The following TCF4 variants were observed in gnomAD, a reference collection of about 807,000 sequenced individuals.
The protein encoded by TCF4 is SL3-3 enhancer factor 2.
TCF4 carries 3 observed loss-of-function variants against 82.1 expected under a neutral mutation model. The observed-to-expected ratio is 0.04, with a 90% CI of 0.02 to 0.09. The LOEUF (loss-of-function observed/expected upper bound fraction) is 0.09, where lower values mean the gene tolerates loss of function less well. TCF4 is among the 10% of genes least tolerant of loss of function. TCF4 has a pLI of 1.00. For missense variants in TCF4, 518 were observed against 852.7 expected, an observed-to-expected ratio of 0.61 and a Z score of 4.89; for synonymous variants, 276 against 309.6, an observed-to-expected ratio of 0.89 and a Z score of 1.14.
At chr18:55,574,516 G>A (rs961609812) in intron 3 of TCF4, among the ~76,000 whole-genome samples, 1 of 152,032 alleles carries the variant, frequency 6.6e-6, no homozygotes, top group Non-Finnish European at 1.5e-5. Context: ...GTAGAAACGG[G>A]ATTTCTACAA....
chr18:55,536,545 T>C (rs968540181), intron 3 of TCF4, among the ~76,000 whole-genome samples: 1 of 152,228 alleles, frequency 6.6e-6, no homozygotes, highest in Non-Finnish European at 1.5e-5. Context: ...CAAAGAGTTA[T>C]TCAGAAAAAC....
At chr18:55,263,831 T>C (rs763859348) in intron 11 of TCF4, among the ~76,000 whole-genome samples, 2 of 151,948 alleles carry the variant, frequency 1.3e-5, no homozygotes, top group Non-Finnish European at 2.9e-5. Context: ...GATTTGAATA[T>C]AGATTTTCAC....
intron 8 of TCF4, among the ~76,000 whole-genome samples, chr18:55,295,371 T>C (rs2066224743): frequency 6.6e-6 from 1 of 152,288 alleles, no homozygotes; most frequent in South Asian, 2.1e-4. Context: ...GATGGAAAAT[T>C]ATCTTGCAAT....
chr18:55,257,512 G>T, intron 13 of TCF4, 121 bp from the exon 14 acceptor site: 1 of 891,948 alleles, frequency 1.1e-6, no homozygotes, highest in Non-Finnish European at 1.8e-6. Flanking sequence ...AAACAACAAC[G>T]TAAATACATG....
At chr18:55,557,749 G>A (rs1308460494) in intron 3 of TCF4, among the ~76,000 whole-genome samples, 5 of 151,968 alleles carry the variant, frequency 3.3e-5, no homozygotes, top group Non-Finnish European at 5.9e-5. Context: ...CCCCTACTCA[G>A]GTAACCACTT....
intron 1 of TCF4, 61 bp from the exon 2 acceptor site, chr18:55,587,197 A>C: frequency 8.5e-6 from 7 of 821,240 alleles, no homozygotes; most frequent in Non-Finnish European, 9.8e-6. Flanking sequence ...AGAAAACACA[A>C]TCGGATTTTT....
chr18:55,379,399 G>A (rs2145818744), intron 6 of TCF4, among the ~76,000 whole-genome samples: 1 of 152,290 alleles, frequency 6.6e-6, no homozygotes, highest in African/African-American at 2.4e-5. Flanking sequence ...TGTAGGGGAG[G>A]AGCTGAAATC....
chr18:55,354,532 C>G (rs1247059271), intron 6 of TCF4, among the ~76,000 whole-genome samples: 1 of 152,132 alleles, frequency 6.6e-6, no homozygotes, highest in East Asian at 1.9e-4. Context: ...GCATATATCT[C>G]AAATTAGATT....
chr18:55,273,300 T>C (rs2060777279), intron 10 of TCF4, among the ~76,000 whole-genome samples: 1 of 152,196 alleles, frequency 6.6e-6, no homozygotes, highest in Non-Finnish European at 1.5e-5. Context: ...TTAAAATATT[T>C]TATCTTTACA....
chr18:55,285,543 A>G (rs554889246), intron 8 of TCF4, among the ~76,000 whole-genome samples: 1 of 152,354 alleles, frequency 6.6e-6, no homozygotes, highest in Non-Finnish European at 1.5e-5. Flanking sequence ...CCAAAGTTAA[A>G]TAAAATTAAA....
At chr18:55,542,536 A>G (rs138068026) in intron 3 of TCF4, among the ~76,000 whole-genome samples, 69 of 152,132 alleles carry the variant, frequency 4.5e-4, no homozygotes, top group Non-Finnish European at 1.5e-4. Flanking sequence ...TTTGCAAAAT[A>G]CTTACCAGTA....
At chr18:55,406,568 G>A (rs943868071) in intron 5 of TCF4, among the ~76,000 whole-genome samples, 1 of 152,138 alleles carries the variant, frequency 6.6e-6, no homozygotes, top group Non-Finnish European at 1.5e-5. Flanking sequence ...ATTTTCAAGA[G>A]CGCTGATAAC....
intron 5 of TCF4, among the ~76,000 whole-genome samples, chr18:55,451,914 G>A (rs1012699195): frequency 1.3e-5 from 2 of 152,192 alleles, no homozygotes; most frequent in African/African-American, 4.8e-5. Context: ...GCTAAAGCGG[G>A]AGGATCACTT....
rs2046313646 is a variant in TCF4 at position 55,224,307 on chromosome 18, G to A, written c.*3728C>T. ...CAAAACCAGCACTGCACAAAGATGA[G>A]TCCACTTCAAGTCCCATGAGAAAGA... On this transcript the variant is annotated 3_prime_UTR_variant, in exon 20 of 20. Transcript: ENST00000354452. 1 of 152,244 alleles carries A rather than the reference G, an allele frequency of 6.6e-6. No individual in the cohort carries two copies. The highest frequency in any genetic ancestry group is 1.5e-5 in the Non-Finnish European group (1 of 67,974). 9.4% of individuals were successfully genotyped at this position (152,244 alleles called of 1,614,324 possible).
At chr18:55,464,747 C>A (rs989595030) in intron 3 of TCF4, among the ~76,000 whole-genome samples, 2 of 151,892 alleles carry the variant, frequency 1.3e-5, no homozygotes, top group African/African-American at 4.8e-5. Flanking sequence ...ACTAGACATA[C>A]CATTTGGTCT....
At chr18:55,311,020 C>T (rs1233653011) in intron 8 of TCF4, among the ~76,000 whole-genome samples, 1 of 152,006 alleles carries the variant, frequency 6.6e-6, no homozygotes, top group East Asian at 1.9e-4. Flanking sequence ...AGTTGGTTCA[C>T]AAATAATGTA....
At chr18:55,615,303 A>G (rs1231247528) in intron 2 of TCF4, among the ~76,000 whole-genome samples, 1 of 152,148 alleles carries the variant, frequency 6.6e-6, no homozygotes, top group Non-Finnish European at 1.5e-5. Context: ...TGTTAGATGT[A>G]TCTATACATG....
At chr18:55,556,630 C>G (rs2097306785) in intron 3 of TCF4, among the ~76,000 whole-genome samples, 1 of 152,206 alleles carries the variant, frequency 6.6e-6, no homozygotes. Context: ...ACTGGAATTA[C>G]AGGCATAAGC....
chr18:55,418,883 G>A (rs1337808307), intron 5 of TCF4, among the ~76,000 whole-genome samples: 1 of 151,994 alleles, frequency 6.6e-6, no homozygotes, highest in Non-Finnish European at 1.5e-5. Context: ...GTTTGAAAAA[G>A]GACACACCTG....
Sources: gnomAD v4.1 joint callset for allele counts (sites outside exome capture counted in the v4.1 genomes callset) on GRCh38, gnomAD v4.1.1 for gene constraint, MANE v1.5 for transcripts, NCBI Gene and HGNC (gene_info 2026-07-23, HGNC 2026-07-21) for gene names.